The following RAB11B variants were observed in gnomAD, a reference collection of about 807,000 sequenced individuals.
RAB11B encodes the protein RAB11B, member RAS oncogene family.
RAB11B carries 7 observed loss-of-function variants against 23.7 expected under a neutral mutation model. The ratio of observed to expected loss-of-function variants is 0.29; its 90% CI spans 0.17 to 0.55. The LOEUF is 0.55. RAB11B is among the 20% of genes least tolerant of loss of function. The pLI is 0.93. For missense variants in RAB11B, 189 were observed against 320.0 expected (o/e 0.59, Z 3.12); for synonymous variants, 138 against 132.0 (o/e 1.05, Z -0.31).
At position 8,403,462 on chromosome 19, in the gene RAB11B, C is replaced by T. The variant is rs371272699; in HGVS notation, c.561C>T (p.His187=). ...SQKQIADRAA[H]DESPGNNVVD... is the part of the protein sequence containing the mutation. ...AACAGATCGCAGACCGCGCTGCCCA[C>T]GACGAGTCCCCGGGGAACAACGTGG... The change falls in exon 5 of 5, where the codon CAC becomes CAT. Residue 187 remains histidine, a synonymous_variant. Coordinates refer to ENST00000328024, the MANE Select transcript of RAB11B (RefSeq NM_004218.4). 1.7e-5 allele frequency: 28 copies of T among 1,613,774 alleles called. No individual in the cohort carries two copies. The highest frequency in any genetic ancestry group is 2.2e-5 in the South Asian group (2 of 91,086).
intron 1 of RAB11B, 89 bp from the exon 2 acceptor site, chr19:8,399,773 TG>T: frequency 6.9e-7 from 1 of 1,459,418 alleles, no homozygotes; most frequent in Non-Finnish European, 9.4e-7. Flanking sequence ...GCAGCCGCGT[TG>T]GTGCAGCACC....
At chr19:8,390,696 C>T in intron 1 of RAB11B, 1 of 398,426 alleles carries the variant, frequency 2.5e-6, no homozygotes, top group Non-Finnish European at 4.3e-6. Context: ...CGGGGCGGGG[C>T]CAGAGCCTAG....
At chr19:8,392,751 C>T (rs1971367702) in intron 1 of RAB11B, among the ~76,000 whole-genome samples, 1 of 120,274 alleles carries the variant, frequency 8.3e-6, no homozygotes. Context: ...AGTGCAGTGG[C>T]GCAATCTCGG....
Position 8,399,860 on chromosome 19 carries a change from C to A in RAB11B, c.41-3C>A. Reference sequence around the variant, plus strand: ...ATTCACAGAACCTCGCCTTCCCGCCCAGTGGTGCTCATCGGGGACTCAGGC... The same window carrying A: ...ATTCACAGAACCTCGCCTTCCCGCCAAGTGGTGCTCATCGGGGACTCAGGC... On this transcript the variant is annotated splice_region_variant and splice_polypyrimidine_tract_variant and intron_variant, in intron 1 of 4. Coordinates refer to ENST00000328024, the MANE Select transcript of RAB11B (RefSeq NM_004218.4). 3 of 1,612,884 alleles carry A rather than the reference C, an allele frequency of 1.9e-6. No homozygotes were observed. The highest frequency in any genetic ancestry group is 2.5e-6 in the Non-Finnish European group (3 of 1,178,958).
intron 1 of RAB11B, among the ~76,000 whole-genome samples, chr19:8,393,257 A>G (rs867114984): frequency 2.6e-5 from 4 of 151,892 alleles, no homozygotes; most frequent in Admixed American, 2.0e-4. Flanking sequence ...TTTCTGATGG[A>G]CTCGGTACTC....
chr19:8,402,383 G>A, intron 3 of RAB11B, 102 bp from the exon 4 acceptor site: 1 of 1,545,702 alleles, frequency 6.5e-7, no homozygotes. Context: ...TCCCTGAGGA[G>A]TGGCCTTGGG....
At position 8,396,753 on chromosome 19, in the gene RAB11B, G is replaced by A. The variant is rs940915180; in HGVS notation, c.41-3110G>A. Among the ~76,000 whole-genome samples, 2 of 150,780 alleles carry A rather than the reference G, an allele frequency of 1.3e-5. No individual in the cohort carries two copies. Among genetic ancestry groups the A allele is most frequent in the African/African-American group, 2.4e-5 (1 of 40,912 alleles). On this transcript the variant is annotated intron_variant, in intron 1 of 4. Transcript: ENST00000328024. This position sits in a 1 kb window ranked among gnomAD's most constrained non-coding sequence, Gnocchi z 5.0. The stretch of plus-strand genomic sequence containing the variant: ...AGGAGGGGAGGGCCCTGTGGGCAGC[G>A]GGGAGGACTGTGGCTTTTCCCCTGC...
At chr19:8,401,350 G>A (rs888540197) in intron 2 of RAB11B, among the ~76,000 whole-genome samples, 2 of 151,776 alleles carry the variant, frequency 1.3e-5, no homozygotes, top group Non-Finnish European at 2.9e-5. Context: ...AAAGTGCTGG[G>A]ATTACAGGCG....
intron 2 of RAB11B, among the ~76,000 whole-genome samples, chr19:8,400,690 G>A (rs1269545511): frequency 1.3e-5 from 2 of 151,692 alleles, no homozygotes; most frequent in Non-Finnish European, 2.9e-5. Flanking sequence ...GGGTTCAAGC[G>A]ATTCTCCTGC....
intron 1 of RAB11B, among the ~76,000 whole-genome samples, chr19:8,395,583 C>T (rs1400775132): frequency 6.6e-6 from 1 of 152,200 alleles, no homozygotes; most frequent in African/African-American, 2.4e-5. Context: ...CTGAAGTCCA[C>T]TTGGTAGCCC....
intron 4 of RAB11B, 68 bp downstream of exon 4, chr19:8,402,633 T>C: frequency 1.6e-6 from 2 of 1,258,610 alleles, no homozygotes; most frequent in Non-Finnish European, 1.1e-6. Flanking sequence ...CCTCTGAACC[T>C]TCGCTTGTTT....
chr19:8,391,051 T>C (rs1971348015), intron 1 of RAB11B, among the ~76,000 whole-genome samples: 1 of 152,092 alleles, frequency 6.6e-6, no homozygotes, highest in Non-Finnish European at 1.5e-5. Context: ...AAGCTGGGAT[T>C]GAGTGGAAAG....
chr19:8,396,627 C>T lies in RAB11B; in HGVS notation c.41-3236C>T, dbSNP rs746599319. Among the ~76,000 whole-genome samples, 2 of 150,096 alleles carry T rather than the reference C, an allele frequency of 1.3e-5. No homozygotes were observed. The highest frequency in any genetic ancestry group is 3.0e-5 in the Non-Finnish European group (2 of 67,664). ...AGCGTTTCTGGCAGCAGGAGCAACCCGTGCAAAGGCCCTGAGGCAGGATCG... is the reference window on the plus strand; with the variant it reads ...AGCGTTTCTGGCAGCAGGAGCAACCTGTGCAAAGGCCCTGAGGCAGGATCG... On this transcript the variant is annotated intron_variant, in intron 1 of 4. Coordinates refer to ENST00000328024, the MANE Select transcript of RAB11B (RefSeq NM_004218.4). This position sits in a 1 kb window ranked among gnomAD's most constrained non-coding sequence, Gnocchi z 5.0.
chr19:8,398,704 G>A (rs1305777903), intron 1 of RAB11B, among the ~76,000 whole-genome samples: 1 of 152,126 alleles, frequency 6.6e-6, no homozygotes, highest in East Asian at 1.9e-4. Context: ...TACATACCTG[G>A]AGCAGTGACC....
chr19:8,399,399 T>C (rs1280959404), intron 1 of RAB11B, among the ~76,000 whole-genome samples: 8 of 152,244 alleles, frequency 5.3e-5, no homozygotes, highest in African/African-American at 1.9e-4. Flanking sequence ...TGCCTGCTCT[T>C]ACTTCCTCCT....
chr19:8,397,339 G>A (rs1037941938), intron 1 of RAB11B, among the ~76,000 whole-genome samples: 2 of 152,118 alleles, frequency 1.3e-5, no homozygotes, highest in African/African-American at 4.8e-5. Flanking sequence ...CCTGGGGACT[G>A]GGTGTGGACA....
intron 4 of RAB11B, 23 bp downstream of exon 4, chr19:8,402,588 T>C (rs200954061): frequency 1.3e-6 from 2 of 1,574,308 alleles, no homozygotes; most frequent in Non-Finnish European, 1.7e-6. Context: ...CAGATGGGTG[T>C]GGGTAGGGCA....
chr19:8,391,243 A>G (rs1467694472), intron 1 of RAB11B, among the ~76,000 whole-genome samples: 1 of 152,206 alleles, frequency 6.6e-6, no homozygotes, highest in African/African-American at 2.4e-5. Flanking sequence ...CCAGAGTGAC[A>G]AAGACACAGT....
Position 8,403,660 on chromosome 19 carries a change from G to C in RAB11B, c.*102G>C. ...GTCCCTCTGTGGCCGGCTCGTTCCA[G>C]CCCTCCCAGTGAGCTCTGCACGGCC... is the stretch of plus-strand genomic sequence containing the variant. On this transcript the variant is annotated 3_prime_UTR_variant, in exon 5 of 5. Coordinates refer to ENST00000328024, the MANE Select transcript of RAB11B (RefSeq NM_004218.4). 1 of 1,486,302 alleles carries C rather than the reference G, an allele frequency of 6.7e-7. No homozygotes were observed. The highest frequency in any genetic ancestry group is 9.0e-7 in the Non-Finnish European group (1 of 1,106,392). The allele number at this position is 1,486,302 out of a possible 1,614,324, so 92.1% of individuals were successfully genotyped here. A position where few individuals can be genotyped will look rare whatever the true frequency, so the allele number is the denominator to read the frequency against.
Sources: gnomAD v4.1 joint callset for allele counts (sites outside exome capture counted in the v4.1 genomes callset) on GRCh38, gnomAD v4.1.1 for gene constraint, Gnocchi (gnomAD v3.1) non-coding constraint, MANE v1.5 for transcripts, NCBI Gene and HGNC (gene_info 2026-07-23, HGNC 2026-07-21) for gene names.